HLF: variants seen among roughly 807,000 people sequenced by gnomAD.
The protein encoded by HLF is HLF transcription factor, PAR bZIP family member.
Under a neutral mutation model 22.6 loss-of-function variants are expected in HLF, and 3 were observed. The ratio of observed to expected loss-of-function variants is 0.13; its 90% CI spans 0.06 to 0.34. The LOEUF (loss-of-function observed/expected upper bound fraction) is 0.34, where lower values mean the gene tolerates loss of function less well. Ranked by LOEUF, HLF falls within the 10% of genes least tolerant of loss-of-function variation. The pLI, the probability that HLF is intolerant of heterozygous loss-of-function variation, is 1.00. For synonymous variants in HLF, 151 were observed against 151.8 expected, an observed-to-expected ratio of 0.99 and a Z score of 0.04; for missense variants, 299 against 389.2, an observed-to-expected ratio of 0.77 and a Z score of 1.95.
rs1447093549 is a variant in HLF at position 55,265,308 on chromosome 17, TA to T, written c.-176del. ...AACCCGAAAGTTTTTTTTTAATATA[TA>T]TTTTTATGCAGATGTATTTATAAAG... On this transcript the variant is annotated 5_prime_UTR_variant, in exon 1 of 4. Coordinates refer to ENST00000226067, the MANE Select transcript of HLF (RefSeq NM_002126.5). The T allele has an allele frequency of 1.9e-6, 1 of 522,642 alleles. No homozygotes were observed. The highest frequency in any genetic ancestry group is 2.0e-5 in the African/African-American group (1 of 49,710). 32.4% of individuals were successfully genotyped at this position (522,642 alleles called of 1,614,324 possible).
At position 55,318,201 on chromosome 17, in the gene HLF, C is replaced by G. The variant is rs116651012; in HGVS notation, c.673-2463C>G. ...GCAGAGGATGGAGTGCCAAGTTTAT[C>G]AGCCCCGCTCAAAATCCCGCTTCCC... On this transcript the variant is annotated intron_variant, in intron 3 of 3. Transcript: ENST00000226067. Among the ~76,000 whole-genome samples the G allele has an allele frequency of 7.1e-3, 1,080 of 152,212 alleles. 13 individuals carry two copies. Among genetic ancestry groups the G allele is most frequent in the African/African-American group, 0.025 (1,039 of 41,530 alleles).
chr17:55,321,563 A>G lies in HLF; in HGVS notation c.*684A>G, dbSNP rs1905264023. The G allele has an allele frequency of 4.4e-6, 1 of 228,316 alleles. No homozygotes were observed. The highest frequency in any genetic ancestry group is 8.7e-6 in the Non-Finnish European group (1 of 114,876). 14.1% of individuals were successfully genotyped at this position (228,316 alleles called of 1,614,324 possible). A position where few individuals can be genotyped will look rare whatever the true frequency, so the allele number is the denominator to read the frequency against. On this transcript the variant is annotated 3_prime_UTR_variant, in exon 4 of 4. Coordinates refer to ENST00000226067, the MANE Select transcript of HLF (RefSeq NM_002126.5). ...CCCCAGATAAGTAAGAGTACTATTA[A>G]TAGAACACAGAGTGTGTTTTTGCAC...
chr17:55,299,291 G>T (rs1295356806), intron 2 of HLF, among the ~76,000 whole-genome samples: 2 of 152,150 alleles, frequency 1.3e-5, no homozygotes, highest in Non-Finnish European at 2.9e-5. Flanking sequence ...CACTTACTTA[G>T]TAACCTTTCA....
At position 55,270,502 on chromosome 17, in the gene HLF, G is replaced by A. The variant is rs377234921; in HGVS notation, c.451+2416G>A. On this transcript the variant is annotated intron_variant, in intron 2 of 3. Transcript: ENST00000226067. ...CTTGATTATTCTGTGTGGCTCACAG[G>A]AGTGACCAGAATAGAAGTACCAAGT... 1.1e-3 allele frequency among the ~76,000 whole-genome samples: 167 copies of A among 152,296 alleles called. 2 individuals carry two copies. In the South Asian group the frequency reaches 0.032, roughly 29 times the overall value.
In HLF at chr17:55,270,336, C is replaced by T. The variant is rs549764603; in HGVS notation, c.451+2250C>T. Among the ~76,000 whole-genome samples the T allele has an allele frequency of 1.4e-4, 21 of 152,318 alleles. No homozygotes were observed. The South Asian group carries it at 3.3e-3, about 24-fold the overall frequency. On this transcript the variant is annotated intron_variant, in intron 2 of 3. Coordinates refer to ENST00000226067, the MANE Select transcript of HLF (RefSeq NM_002126.5). The stretch of plus-strand genomic sequence containing the variant: ...ATAGAAAAGGAAAAAAGTTAAACCT[C>T]GTCTTCAAATACCAAACTCAGGTAA...
chr17:55,295,860 G>C (rs146086342), intron 2 of HLF, among the ~76,000 whole-genome samples: 1 of 152,144 alleles, frequency 6.6e-6, no homozygotes, highest in Non-Finnish European at 1.5e-5. Context: ...GGAGGAGGAG[G>C]GGGAGGCCAG....
rs73314570 is a variant in HLF at position 55,323,165 on chromosome 17, G to T, written c.*2286G>T. On this transcript the variant is annotated 3_prime_UTR_variant, in exon 4 of 4. Coordinates refer to ENST00000226067, the MANE Select transcript of HLF (RefSeq NM_002126.5). ...CTGTAGATAACAGCAAGAGATGGGG[G>T]TGTATTGGAATTGCAATACATTGTT... 1.1e-4 allele frequency: 24 copies of T among 217,340 alleles called. No homozygotes were observed. Among genetic ancestry groups the T allele is most frequent in the African/African-American group, 5.4e-4 (24 of 44,596 alleles). The allele number at this position is 217,340 out of a possible 1,614,324, so 13.5% of individuals were successfully genotyped here. A position where few individuals can be genotyped will look rare whatever the true frequency, so the allele number is the denominator to read the frequency against.
chr17:55,307,588 T>C (rs940346797), intron 2 of HLF, among the ~76,000 whole-genome samples: 2 of 152,118 alleles, frequency 1.3e-5, no homozygotes, highest in Admixed American at 6.5e-5. Context: ...TTGCAAAATA[T>C]TGAAAATAAG....
At chr17:55,312,004 T>C (rs1202650052) in intron 2 of HLF, among the ~76,000 whole-genome samples, 1 of 152,234 alleles carries the variant, frequency 6.6e-6, no homozygotes, top group Non-Finnish European at 1.5e-5. Flanking sequence ...TATTTGATTC[T>C]TTTTAATGGA....
intron 2 of HLF, among the ~76,000 whole-genome samples, chr17:55,284,804 C>G (rs991019885): frequency 1.3e-5 from 2 of 152,190 alleles, no homozygotes; most frequent in Non-Finnish European, 2.9e-5. Context: ...AAATTGGGAA[C>G]AAGTTGACCA....
intron 1 of HLF, chr17:55,265,964 G>C: frequency 4.9e-6 from 3 of 614,206 alleles, no homozygotes; most frequent in Non-Finnish European, 6.2e-6. Context: ...CTCCCGGGCT[G>C]GGGAGGAGAA....
intron 2 of HLF, chr17:55,271,374 T>G (rs1235268909): frequency 6.6e-6 from 1 of 152,240 alleles, no homozygotes; most frequent in Non-Finnish European, 1.5e-5. Flanking sequence ...GCATGCATCT[T>G]TTGAGCTATG....
At chr17:55,265,896 G>A in intron 1 of HLF, 4 of 1,138,488 alleles carry the variant, frequency 3.5e-6, no homozygotes, top group Non-Finnish European at 3.2e-6. Flanking sequence ...GGTCAGGATC[G>A]TTCCCTAGAA....
chr17:55,267,541 C>T (rs2080804033), intron 1 of HLF: 3 of 515,474 alleles, frequency 5.8e-6, no homozygotes, highest in South Asian at 3.1e-5. Context: ...TGCCTTCTTT[C>T]CAAAGTAAAT....
intron 2 of HLF, among the ~76,000 whole-genome samples, chr17:55,277,272 T>TGCGC (rs1309432333): frequency 3.5e-5 from 4 of 114,778 alleles, no homozygotes; most frequent in African/African-American, 1.6e-4. Flanking sequence ...TGTGTGTGTG[T>TGCGC]GTGCGCGCGC....
Position 55,265,287 on chromosome 17 carries a change from C to T in HLF, c.-198C>T. 2.0e-6 allele frequency: 1 copy of T among 491,496 alleles called. No homozygotes were observed. The highest frequency in any genetic ancestry group is 3.5e-6 in the Non-Finnish European group (1 of 283,956). 30.4% of individuals were successfully genotyped at this position (491,496 alleles called of 1,614,324 possible). On this transcript the variant is annotated 5_prime_UTR_variant, in exon 1 of 4. Transcript: ENST00000226067. ...CCTGGGACCGTCTGCACTGGAAACC[C>T]GAAAGTTTTTTTTTAATATATATTT...
intron 2 of HLF, among the ~76,000 whole-genome samples, chr17:55,308,050 A>C (rs1904662381): frequency 6.6e-6 from 1 of 152,174 alleles, no homozygotes; most frequent in Non-Finnish European, 1.5e-5. Flanking sequence ...AGCAGAAGGA[A>C]GGCCAGTGTG....
intron 1 of HLF, among the ~76,000 whole-genome samples, chr17:55,266,598 C>T (rs893270555): frequency 1.3e-5 from 2 of 152,322 alleles, no homozygotes; most frequent in African/African-American, 4.8e-5. Context: ...GCCAGGGACC[C>T]CTCCCTAACT....
At chr17:55,271,002 C>T (rs970280945) in intron 2 of HLF, among the ~76,000 whole-genome samples, 1 of 152,176 alleles carries the variant, frequency 6.6e-6, no homozygotes, top group African/African-American at 2.4e-5. Context: ...GCCCCTACCT[C>T]CTAGTTGCAA....
Sources: gnomAD v4.1 joint callset for allele counts (sites outside exome capture counted in the v4.1 genomes callset) on GRCh38, gnomAD v4.1.1 for gene constraint, MANE v1.5 for transcripts, NCBI Gene and HGNC (gene_info 2026-07-23, HGNC 2026-07-21) for gene names.